NRG3: variants seen among roughly 807,000 people sequenced by gnomAD.
NRG3 encodes neuregulin 3.
Under a neutral mutation model 66.9 loss-of-function variants are expected in NRG3, and 31 were observed. The ratio of observed to expected loss-of-function variants is 0.46; its 90% confidence interval spans 0.35 to 0.63. NRG3 has a LOEUF of 0.63. Ranked by LOEUF, NRG3 falls within the 20% of genes least tolerant of loss-of-function variation. The probability of loss-of-function intolerance (pLI) is 0.00; values close to 1 mark genes in which losing one functional copy is unlikely to be tolerated. For missense variants in NRG3, 910 were observed against 878.9 expected (o/e 1.04, Z -0.45); for synonymous variants, 393 against 359.4 (o/e 1.09, Z -1.06).
chr10:82,196,835 A>G (rs1044493809), intron 1 of NRG3, among the ~76,000 whole-genome samples: 74 of 152,164 alleles, frequency 4.9e-4, no homozygotes, highest in Non-Finnish European at 6.2e-4. Flanking sequence ...TCCAGGATCT[A>G]TGCTCAGATC....
chr10:82,753,885 T>G (rs567188157), intron 3 of NRG3, among the ~76,000 whole-genome samples: 3 of 150,998 alleles, frequency 2.0e-5, no homozygotes, highest in African/African-American at 7.3e-5. Context: ...AGTCAGAGGT[T>G]GCAGTGAGCC....
At chr10:82,072,364 C>T (rs1440586269) in intron 1 of NRG3, among the ~76,000 whole-genome samples, 2 of 152,100 alleles carry the variant, frequency 1.3e-5, no homozygotes, top group Admixed American at 6.5e-5. Flanking sequence ...CGGGAGAGAC[C>T]ATAGCTAGAT....
At chr10:82,391,246 G>C (rs900114453) in intron 2 of NRG3, among the ~76,000 whole-genome samples, 1 of 152,052 alleles carries the variant, frequency 6.6e-6, no homozygotes, top group African/African-American at 2.4e-5. Flanking sequence ...GTTTTGTGAG[G>C]CTTCTTTTAA....
rs151236164 is a variant in NRG3, at chr10:82,318,544, T to A, written c.824-40195T>A. Reference sequence around the variant, plus strand: ...ACCCTTCTCGTTTGCATCTGACAACTTTTGAGTCTATATTCTGGCCATAGT... The same window carrying A: ...ACCCTTCTCGTTTGCATCTGACAACATTTGAGTCTATATTCTGGCCATAGT... On this transcript the variant is annotated intron_variant, in intron 1 of 8. Coordinates refer to ENST00000372141, the MANE Select transcript of NRG3 (RefSeq NM_001010848.4). Among the ~76,000 whole-genome samples, 492 of 152,320 alleles carry A rather than the reference T, an allele frequency of 3.2e-3. 2 individuals are homozygous for A. Among genetic ancestry groups the A allele is most frequent in the Middle Eastern group, 0.01 (3 of 294 alleles).
At chr10:82,514,992 G>T (rs1431033783) in intron 2 of NRG3, among the ~76,000 whole-genome samples, 1 of 152,118 alleles carries the variant, frequency 6.6e-6, no homozygotes, top group Non-Finnish European at 1.5e-5. Flanking sequence ...GTTTTCCAAA[G>T]ATAATAATAC....
intron 1 of NRG3, among the ~76,000 whole-genome samples, chr10:82,027,796 G>A (rs2062381600): frequency 6.6e-6 from 1 of 152,088 alleles, no homozygotes; most frequent in Admixed American, 6.6e-5. Flanking sequence ...CAAACTGATA[G>A]AGGCTCCAAC....
In NRG3 at chr10:82,047,215, G is replaced by A. The variant is rs1354002009; in HGVS notation, c.823+171052G>A. Among the ~76,000 whole-genome samples the A allele has an allele frequency of 2.0e-5, 3 of 151,656 alleles. No homozygotes were observed. In the East Asian group the frequency reaches 5.8e-4, roughly 29 times the overall value. ...ATCTGGTCCTGGACTCCTTTTGGTT[G>A]GTAAGCTATTGATTATTGCCACAAT... On this transcript the variant is annotated intron_variant, in intron 1 of 8. Coordinates refer to ENST00000372141, the MANE Select transcript of NRG3 (RefSeq NM_001010848.4).
At chr10:82,924,086 C>CAAAAA (rs3075657) in intron 4 of NRG3, among the ~76,000 whole-genome samples, 2 of 69,268 alleles carry the variant, frequency 2.9e-5, no homozygotes, top group African/African-American at 1.1e-4. Flanking sequence ...GAGACTGTCT[C>CAAAAA]AAAAAAAAAA....
chr10:82,218,973 T>C (rs2075814009), intron 1 of NRG3, among the ~76,000 whole-genome samples: 1 of 152,032 alleles, frequency 6.6e-6, no homozygotes, highest in African/African-American at 2.4e-5. Flanking sequence ...AAAAAACCTA[T>C]TAAATCTGAA....
intron 2 of NRG3, among the ~76,000 whole-genome samples, chr10:82,494,050 C>T (rs549611404): frequency 1.2e-3 from 186 of 152,294 alleles, no homozygotes; most frequent in Non-Finnish European, 2.1e-3. Context: ...TACCATCTCA[C>T]ACCAGTCAGA....
intron 1 of NRG3, among the ~76,000 whole-genome samples, chr10:82,331,595 A>G (rs1371165716): frequency 2.0e-5 from 3 of 152,204 alleles, no homozygotes; most frequent in Non-Finnish European, 4.4e-5. Context: ...TGGAGACATC[A>G]GAAGGAAAAA....
chr10:82,512,486 A>G (rs998940937), intron 2 of NRG3, among the ~76,000 whole-genome samples: 1 of 152,076 alleles, frequency 6.6e-6, no homozygotes, highest in Non-Finnish European at 1.5e-5. Context: ...GGGTCTCACC[A>G]TGTTGGCCAA....
intron 3 of NRG3, among the ~76,000 whole-genome samples, chr10:82,835,582 A>G (rs974699933): frequency 2.6e-5 from 4 of 152,112 alleles, no homozygotes; most frequent in South Asian, 4.1e-4. Context: ...TACAGTCTCA[A>G]TCCCTCATTT....
At chr10:82,951,838 T>G (rs1458398951) in intron 5 of NRG3, among the ~76,000 whole-genome samples, 2 of 152,190 alleles carry the variant, frequency 1.3e-5, no homozygotes, top group Admixed American at 1.3e-4. Flanking sequence ...CCACGAACAT[T>G]CTATGTTCTT....
Position 82,106,652 on chromosome 10 carries a change from C to T in NRG3, c.823+230489C>T, listed in dbSNP as rs546545514. Among the ~76,000 whole-genome samples, 43 of 151,872 alleles carry T rather than the reference C, an allele frequency of 2.8e-4. 1 individual carries two copies. The East Asian group carries it at 5.5e-3, about 19-fold the overall frequency. On this transcript the variant is annotated intron_variant, in intron 1 of 8. Coordinates refer to ENST00000372141, the MANE Select transcript of NRG3 (RefSeq NM_001010848.4). ...TCCCAAGTAGCTGGGACTGCAGGCG[C>T]GCACCACCATGCCCAGCTAATTTTT...
intron 2 of NRG3, among the ~76,000 whole-genome samples, chr10:82,602,519 T>C (rs2047699155): frequency 6.6e-6 from 1 of 152,116 alleles, no homozygotes; most frequent in Non-Finnish European, 1.5e-5. Flanking sequence ...TGAAGATAAG[T>C]AAAACTCAAT....
At chr10:82,606,076 A>G (rs2047944295) in intron 2 of NRG3, among the ~76,000 whole-genome samples, 1 of 152,084 alleles carries the variant, frequency 6.6e-6, no homozygotes, top group African/African-American at 2.4e-5. Flanking sequence ...TTACTTTAAA[A>G]TTAATATGCT....
At chr10:82,113,305 A>C (rs60663347) in intron 1 of NRG3, among the ~76,000 whole-genome samples, 3,822 of 152,182 alleles carry the variant, frequency 0.025, 109 homozygotes, top group East Asian at 0.14. Context: ...TTCAGTGATA[A>C]AACTGTGATG....
intron 1 of NRG3, among the ~76,000 whole-genome samples, chr10:82,193,227 C>G (rs1347277066): frequency 6.6e-6 from 1 of 152,170 alleles, no homozygotes; most frequent in African/African-American, 2.4e-5. Context: ...ACTGCAACCT[C>G]TGTCTCCTGG....
Sources: allele counts gnomAD v4.1 joint callset (sites outside exome capture counted in the v4.1 genomes callset), GRCh38; gene constraint gnomAD v4.1.1; transcripts MANE v1.5; gene names NCBI Gene and HGNC (gene_info 2026-07-23, HGNC 2026-07-21).